Variants in GRM7 observed in about 807,000 individuals in gnomAD.
GRM7 encodes the protein glutamate metabotropic receptor 7, also known as metabotropic glutamate receptor 7.
GRM7 carries 35 observed loss-of-function variants against 84.5 expected under a neutral mutation model. That is an observed-to-expected ratio of 0.41 (90% CI 0.32 to 0.55). GRM7 has a LOEUF of 0.55. Ranked by LOEUF, GRM7 falls within the 20% of genes least tolerant of loss-of-function variation. The pLI, the probability that GRM7 is intolerant of heterozygous loss-of-function variation, is 0.19. For synonymous variants in GRM7, 487 were observed against 455.1 expected, an observed-to-expected ratio of 1.07 and a Z score of -0.89; for missense variants, 1,003 against 1,194.6, an observed-to-expected ratio of 0.84 and a Z score of 2.36.
chr3:7,256,658 C>CAA (rs1421924871), intron 2 of GRM7, among the ~76,000 whole-genome samples: 4 of 151,988 alleles, frequency 2.6e-5, no homozygotes, highest in African/African-American at 9.7e-5. Context: ...CACACACACA[C>CAA]AAAAAATGAG....
At chr3:7,340,894 A>G (rs1019502857) in intron 4 of GRM7, among the ~76,000 whole-genome samples, 2 of 152,130 alleles carry the variant, frequency 1.3e-5, no homozygotes, top group East Asian at 3.9e-4. Context: ...ACGTGTCTGC[A>G]TCAAGTCTAG....
chr3:7,500,654 G>T (rs1016838267), intron 7 of GRM7, among the ~76,000 whole-genome samples: 1 of 152,228 alleles, frequency 6.6e-6, no homozygotes, highest in Non-Finnish European at 1.5e-5. Context: ...ATTGTTGTTT[G>T]TCAAATCTTC....
chr3:7,082,001 T>TA (rs1003440179), intron 1 of GRM7, among the ~76,000 whole-genome samples: 7 of 152,056 alleles, frequency 4.6e-5, no homozygotes, highest in Non-Finnish European at 1.0e-4. Flanking sequence ...TGCCATCACA[T>TA]AAAAATGCAA....
At chr3:7,384,277 C>T (rs748896699) in intron 4 of GRM7, among the ~76,000 whole-genome samples, 2 of 152,140 alleles carry the variant, frequency 1.3e-5, no homozygotes, top group Non-Finnish European at 1.5e-5. Context: ...GACCTGCCCA[C>T]CTTGACCCCC....
chr3:7,350,908 A>T (rs1693112277), intron 4 of GRM7, among the ~76,000 whole-genome samples: 1 of 152,068 alleles, frequency 6.6e-6, no homozygotes, highest in South Asian at 2.1e-4. Context: ...AGACAATATG[A>T]CCAAATGATA....
chr3:7,400,453 C>G (rs1695402730), intron 4 of GRM7, among the ~76,000 whole-genome samples: 2 of 152,292 alleles, frequency 1.3e-5, no homozygotes, highest in South Asian at 4.1e-4. Flanking sequence ...CCTCTACAAT[C>G]TGGCTCCATT....
At chr3:7,515,972 G>C (rs1304876274) in intron 7 of GRM7, among the ~76,000 whole-genome samples, 1 of 151,778 alleles carries the variant, frequency 6.6e-6, no homozygotes, top group Non-Finnish European at 1.5e-5. Context: ...GGGAGACCCT[G>C]TCTCTACAAA....
chr3:7,109,736 A>T (rs1692779392), intron 1 of GRM7, among the ~76,000 whole-genome samples: 1 of 152,150 alleles, frequency 6.6e-6, no homozygotes. Flanking sequence ...CAGTAAAAGA[A>T]CATTTCCATC....
At position 7,292,843 on chromosome 3, in the gene GRM7, C is replaced by G. The variant is rs182110096; in HGVS notation, c.737-5841C>G. 1.9e-3 allele frequency among the ~76,000 whole-genome samples: 281 copies of G among 151,508 alleles called. 2 individuals carry two copies. Among genetic ancestry groups the G allele is most frequent in the African/African-American group, 6.5e-3 (267 of 41,300 alleles). On this transcript the variant is annotated intron_variant, in intron 2 of 9. Transcript: ENST00000357716. ...GGTCAGGAGTTCTAGACCAGCCTGG[C>G]CAACATAGTGAAACCCCCCATCTCT...
At chr3:7,145,839 T>C (rs955737005) in intron 1 of GRM7, among the ~76,000 whole-genome samples, 13 of 152,154 alleles carry the variant, frequency 8.5e-5, no homozygotes, top group Non-Finnish European at 1.2e-4. Context: ...GAGGAAAGCC[T>C]GTCAATGTGC....
At chr3:7,111,081 G>A (rs878955172) in intron 1 of GRM7, among the ~76,000 whole-genome samples, 1 of 152,126 alleles carries the variant, frequency 6.6e-6, no homozygotes, top group Non-Finnish European at 1.5e-5. Context: ...ATTGACTGAT[G>A]TGGGGTCAAT....
At chr3:7,705,077 G>C (rs1473318528) in intron 9 of GRM7, among the ~76,000 whole-genome samples, 2 of 152,106 alleles carry the variant, frequency 1.3e-5, no homozygotes, top group African/African-American at 4.8e-5. Flanking sequence ...AAGGTCTAGA[G>C]GGTGATCCCT....
chr3:6,939,194 T>C (rs969856344), intron 1 of GRM7, among the ~76,000 whole-genome samples: 8 of 152,124 alleles, frequency 5.3e-5, no homozygotes, highest in Non-Finnish European at 7.4e-5. Flanking sequence ...GATCTATACA[T>C]ATAGAACCAA....
chr3:7,523,890 C>G (rs1457192826), intron 7 of GRM7, among the ~76,000 whole-genome samples: 1 of 152,066 alleles, frequency 6.6e-6, no homozygotes, highest in African/African-American at 2.4e-5. Context: ...AATTTCAAGA[C>G]TTTGAGGGTA....
At chr3:7,050,785 T>G (rs1696967920) in intron 1 of GRM7, among the ~76,000 whole-genome samples, 1 of 151,912 alleles carries the variant, frequency 6.6e-6, no homozygotes. Context: ...ATGCACATAT[T>G]GACAAGTACT....
chr3:7,268,295 TA>T (rs149310773), intron 2 of GRM7, among the ~76,000 whole-genome samples: 1,982 of 146,366 alleles, frequency 0.014, 46 homozygotes, highest in African/African-American at 0.045. Flanking sequence ...ACAAAAAACT[TA>T]AAAAAAAAAA....
intron 2 of GRM7, among the ~76,000 whole-genome samples, chr3:7,221,804 A>ATTTTTTTTTTTTTTTTTTTTTT (rs540956206): frequency 2.1e-5 from 2 of 97,356 alleles, no homozygotes; most frequent in Non-Finnish European, 2.0e-5. Flanking sequence ...AATTTCTTGT[A>ATTTTTTTTTTTTTTTTTTTTTT]TTTTTTTTTT....
chr3:7,190,166 C>G (rs1413443622), intron 2 of GRM7, among the ~76,000 whole-genome samples: 2 of 152,140 alleles, frequency 1.3e-5, no homozygotes, highest in African/African-American at 4.8e-5. Context: ...GTAACACATC[C>G]ATTGACACTA....
intron 5 of GRM7, among the ~76,000 whole-genome samples, chr3:7,432,722 A>G (rs184528588): frequency 6.6e-6 from 1 of 152,212 alleles, no homozygotes; most frequent in African/African-American, 2.4e-5. Flanking sequence ...AATGTGTTCT[A>G]TCAAACGAAG....
Sources: gnomAD v4.1 joint callset for allele counts (sites outside exome capture counted in the v4.1 genomes callset) on GRCh38, gnomAD v4.1.1 for gene constraint, MANE v1.5 for transcripts, NCBI Gene and HGNC (gene_info 2026-07-23, HGNC 2026-07-21) for gene names.